ARID1B: variants seen among roughly 807,000 people sequenced by gnomAD.
The protein encoded by ARID1B is AT-rich interactive domain-containing protein 1B.
ARID1B carries 30 observed loss-of-function variants against 212.3 expected under a neutral mutation model. The ratio of observed to expected loss-of-function variants is 0.14; its 90% CI spans 0.11 to 0.19. The LOEUF is 0.19. Ranked by LOEUF, ARID1B falls within the 10% of genes least tolerant of loss-of-function variation. The pLI is 1.00. For synonymous variants in ARID1B, 1,402 were observed against 1,301.7 expected, an observed-to-expected ratio of 1.08 and a Z score of -1.66; for missense variants, 2,891 against 3,204.0, an observed-to-expected ratio of 0.90 and a Z score of 2.36.
chr6:157,148,789 A>G lies in ARID1B; in HGVS notation c.2927A>G (p.Asn976Ser). The G allele has an allele frequency of 1.2e-6, 2 of 1,613,070 alleles. No homozygotes were observed. Among genetic ancestry groups the G allele is most frequent in the Middle Eastern group, 1.6e-4 (1 of 6,062 alleles). ...CGAATGCCATCAGCTGGGATGCAGAACAGACCATTTCCTGGAAATATGAGC... is the reference window on the plus strand; with the variant it reads ...CGAATGCCATCAGCTGGGATGCAGAGCAGACCATTTCCTGGAAATATGAGC... ...LGRMPSAGMQNRPFPGNMSSM... is the reference protein window; with the variant it reads ...LGRMPSAGMQSRPFPGNMSSM... Residue 976 changes from asparagine (N) to serine (S), a missense_variant, in exon 8 of 20, where the codon AAC (asparagine) becomes AGC (serine). Asn to Ser is a conservative substitution (Grantham distance 46, BLOSUM62 1). This residue lies in a region of ARID1B where 1,643 missense variants were observed against 1,544.0 expected (regional missense o/e 1.06). Coordinates refer to ENST00000636930, the MANE Select transcript of ARID1B (RefSeq NM_001374828.1). The surrounding 1 kb of genome is among the most constrained non-coding windows in gnomAD (Gnocchi z 5.6).
chr6:157,174,560 G>C (rs1354993337), intron 10 of ARID1B, among the ~76,000 whole-genome samples: 1 of 151,060 alleles, frequency 6.6e-6, no homozygotes, highest in Non-Finnish European at 1.5e-5. Context: ...TTTCATAAGG[G>C]GTAACCCATG....
At chr6:156,853,462 C>T (rs1247586070) in intron 2 of ARID1B, among the ~76,000 whole-genome samples, 1 of 152,140 alleles carries the variant, frequency 6.6e-6, no homozygotes, top group Non-Finnish European at 1.5e-5. Flanking sequence ...ACCTGGGTCA[C>T]CCTGTAGGAG....
chr6:157,052,087 G>A (rs1015861809), intron 4 of ARID1B, among the ~76,000 whole-genome samples: 4 of 152,278 alleles, frequency 2.6e-5, no homozygotes, highest in South Asian at 2.1e-4. Context: ...TTCCAGGTAC[G>A]TCGTATTTTA....
intron 4 of ARID1B, among the ~76,000 whole-genome samples, chr6:157,081,289 T>C (rs570544700): frequency 1.3e-5 from 2 of 152,310 alleles, no homozygotes; most frequent in East Asian, 3.9e-4. Context: ...AAAAGAAGAA[T>C]AGAGTTGGTG....
chr6:157,081,049 A>G (rs1784605345), intron 4 of ARID1B, among the ~76,000 whole-genome samples: 1 of 152,230 alleles, frequency 6.6e-6, no homozygotes, highest in Non-Finnish European at 1.5e-5. Context: ...GAGCCCATGA[A>G]GTCATTGCCT....
intron 3 of ARID1B, among the ~76,000 whole-genome samples, chr6:156,910,536 G>A (rs951287515): frequency 2.6e-5 from 4 of 152,056 alleles, no homozygotes; most frequent in African/African-American, 9.7e-5. Context: ...AGCAAAAGTT[G>A]GCTTCTATTG....
intron 19 of ARID1B, chr6:157,204,484 T>C (rs1443267140): frequency 1.3e-5 from 2 of 153,366 alleles, no homozygotes; most frequent in African/African-American, 4.8e-5. Flanking sequence ...TAAATATATA[T>C]AGAAGGAGAG....
At position 156,778,811 on chromosome 6, in the gene ARID1B, G is replaced by A. The variant is rs1210635068; in HGVS notation, c.1131G>A (p.Gln377=). Reference sequence around the variant, plus strand: ...CCCACGAAGGGTACCCCAACAGCCAGTGCAACCATTATCCGGGCTACAGCC... The same window carrying A: ...CCCACGAAGGGTACCCCAACAGCCAATGCAACCATTATCCGGGCTACAGCC... The part of the protein sequence containing the change: ...QNSHEGYPNS[Q]CNHYPGYSRP... Residue 377 remains glutamine (Q), a synonymous_variant, in exon 1 of 20, where the codon CAG becomes CAA. Coordinates refer to ENST00000636930, the MANE Select transcript of ARID1B (RefSeq NM_001374828.1). 7.4e-6 allele frequency: 11 copies of A among 1,485,826 alleles called. No homozygotes were observed. The highest frequency in any genetic ancestry group is 9.0e-6 in the Non-Finnish European group (10 of 1,114,214). The allele number at this position is 1,485,826 out of a possible 1,614,324, so 92.0% of individuals were successfully genotyped here.
At chr6:157,138,443 G>A (rs544997870) in intron 7 of ARID1B, among the ~76,000 whole-genome samples, 1 of 152,214 alleles carries the variant, frequency 6.6e-6, no homozygotes, top group East Asian at 1.9e-4. Context: ...TCAGCATGTT[G>A]CCCAAGCTAG....
chr6:157,175,175 AAATG>A (rs1792016061), intron 11 of ARID1B, 170 bp downstream of exon 11: 1 of 570,268 alleles, frequency 1.8e-6, no homozygotes, highest in Non-Finnish European at 2.6e-6. Flanking sequence ...ATTAGTGACA[AAATG>A]AATAAAGTTT....
chr6:157,164,581 A>G (rs1791188670), intron 8 of ARID1B: 1 of 152,230 alleles, frequency 6.6e-6, no homozygotes, highest in Non-Finnish European at 1.5e-5. Context: ...CCTTTTTTCA[A>G]GAATAAAAAT....
At position 157,190,525 on chromosome 6, in the gene ARID1B, C is replaced by T. The variant is rs1793284609; in HGVS notation, c.4231+315C>T. Reference sequence around the variant, plus strand: ...TAGAAATTGGGAAAATAATAGGACCCGCTTCCAAAGGCATGGCGAGGATTA... The same window carrying T: ...TAGAAATTGGGAAAATAATAGGACCTGCTTCCAAAGGCATGGCGAGGATTA... On this transcript the variant is annotated intron_variant, in intron 15 of 19. Transcript: ENST00000636930. The surrounding 1 kb of genome is among the most constrained non-coding windows in gnomAD (Gnocchi z 4.6). 1.3e-5 allele frequency among the ~76,000 whole-genome samples: 2 copies of T among 152,204 alleles called. No homozygotes were observed. Among genetic ancestry groups the T allele is most frequent in the South Asian group, 2.1e-4 (1 of 4,830 alleles).
intron 4 of ARID1B, among the ~76,000 whole-genome samples, chr6:157,060,327 G>A (rs183049893): frequency 1.7e-3 from 262 of 152,166 alleles, no homozygotes; most frequent in African/African-American, 5.7e-3. Flanking sequence ...AGACATGTGC[G>A]CAACTTTTTA....
At chr6:156,867,214 G>A (rs1438279507) in intron 2 of ARID1B, among the ~76,000 whole-genome samples, 2 of 152,204 alleles carry the variant, frequency 1.3e-5, no homozygotes, top group Non-Finnish European at 2.9e-5. Flanking sequence ...TAAAATCAAA[G>A]TTTTAAAGTG....
chr6:156,914,631 G>T (rs75560409), intron 3 of ARID1B, among the ~76,000 whole-genome samples: 1 of 152,122 alleles, frequency 6.6e-6, no homozygotes, highest in Non-Finnish European at 1.5e-5. Context: ...CTGGAGACTT[G>T]TGACTTTCAT....
intron 3 of ARID1B, among the ~76,000 whole-genome samples, chr6:156,909,370 T>C (rs1789684260): frequency 6.6e-6 from 1 of 152,106 alleles, no homozygotes; most frequent in Non-Finnish European, 1.5e-5. Context: ...GTGATCCACC[T>C]GCCTCGGCCT....
intron 6 of ARID1B, among the ~76,000 whole-genome samples, chr6:157,120,525 G>A (rs1372702603): frequency 1.3e-5 from 2 of 152,206 alleles, no homozygotes; most frequent in East Asian, 3.9e-4. Context: ...TGTGAAGAGA[G>A]GAAGGCAGGC....
chr6:156,814,002 G>A (rs1781793908), intron 1 of ARID1B, among the ~76,000 whole-genome samples: 2 of 152,172 alleles, frequency 1.3e-5, no homozygotes, highest in South Asian at 4.1e-4. Context: ...ACGAGAGTGG[G>A]TACAGTGTGC....
intron 4 of ARID1B, among the ~76,000 whole-genome samples, chr6:156,956,881 A>G (rs1794015439): frequency 6.6e-6 from 1 of 152,190 alleles, no homozygotes; most frequent in Non-Finnish European, 1.5e-5. Flanking sequence ...TTAAATTTAA[A>G]CACCCTCATG....
Sources: gnomAD v4.1 joint callset for allele counts (sites outside exome capture counted in the v4.1 genomes callset) on GRCh38, gnomAD v4.1.1 for gene constraint, gnomAD v4.1.1 regional missense constraint, Gnocchi (gnomAD v3.1) non-coding constraint, MANE v1.5 for transcripts, NCBI Gene and HGNC (gene_info 2026-07-23, HGNC 2026-07-21) for gene names.